RIF1: variants seen among roughly 807,000 people sequenced by gnomAD.
The protein encoded by RIF1 is replication timing regulatory factor 1, also known as telomere-associated protein RIF1.
Under a neutral mutation model 247.1 loss-of-function variants are expected in RIF1, and 45 were observed. The observed-to-expected ratio is 0.18, with a 90% CI of 0.14 to 0.23. The LOEUF (loss-of-function observed/expected upper bound fraction) is 0.23. Among genes scored for constraint, RIF1 ranks in the 10% least tolerant of loss-of-function variants. RIF1 has a pLI of 1.00. For synonymous variants in RIF1, 1,087 were observed against 978.8 expected (o/e 1.11, Z -2.06); for missense variants, 2,967 against 2,862.5 (o/e 1.04, Z -0.83).
intron 3 of RIF1, among the ~76,000 whole-genome samples, chr2:151,413,370 G>T (rs1234996733): frequency 2.0e-5 from 3 of 152,258 alleles, no homozygotes. Flanking sequence ...AATAGGATTT[G>T]TACCTGAAAT....
chr2:151,508,166 G>A, downstream of RIF1: 1 of 1,229,150 alleles, frequency 8.1e-7, no homozygotes, highest in Non-Finnish European at 1.2e-6. Flanking sequence ...ATAGGCCAAT[G>A]GGACCTAAAA....
At chr2:151,462,751 A>G (rs188025284) in intron 29 of RIF1, 133 bp from the exon 30 acceptor site, 3 of 660,030 alleles carry the variant, frequency 4.5e-6, no homozygotes, top group Admixed American at 6.4e-5. Flanking sequence ...ACTTTGGAAT[A>G]GTTGCCATAT....
chr2:151,516,993 A>T, the RIF1 span, among the ~76,000 whole-genome samples: 1 of 152,212 alleles, frequency 6.6e-6, no homozygotes, highest in Non-Finnish European at 1.5e-5. Context: ...AAGAACTTTT[A>T]TCAGAGACCT....
intron 33 of RIF1, 95 bp downstream of exon 33, chr2:151,468,851 T>G (rs1697366826): frequency 3.5e-6 from 3 of 863,536 alleles, no homozygotes; most frequent in Admixed American, 2.0e-5. Flanking sequence ...TAGAATTGAT[T>G]GGCATGTACT....
chr2:151,476,498 C>T lies in RIF1; in HGVS notation c.*1427C>T, dbSNP rs1317633446. ...AAGCTAATCCCTACTTAGCAAGGCA[C>T]ACATTCTACAGCAAGTCATAGAAAG... On this transcript the variant is annotated 3_prime_UTR_variant, in exon 36 of 36. Coordinates refer to ENST00000444746, the MANE Select transcript of RIF1 (RefSeq NM_018151.5). The T allele has an allele frequency of 6.6e-6, 1 of 152,160 alleles. No individual in the cohort carries two copies. The highest frequency in any genetic ancestry group is 2.4e-5 in the African/African-American group (1 of 41,442). The allele number at this position is 152,160 out of a possible 1,614,324, so 9.4% of individuals were successfully genotyped here.
At position 151,463,979 on chromosome 2, in the gene RIF1, G is replaced by A. The variant is rs370817713; in HGVS notation, c.4459G>A (p.Glu1487Lys). 31 of 1,608,582 alleles carry A rather than the reference G, an allele frequency of 1.9e-5. No homozygotes were observed. The highest frequency in any genetic ancestry group is 2.6e-5 in the Non-Finnish European group (31 of 1,178,762). The change falls in exon 30 of 36, where the codon GAG (glutamate) becomes AAG (lysine). Residue 1487 changes from glutamate to lysine, a missense_variant. Coordinates refer to ENST00000444746, the MANE Select transcript of RIF1 (RefSeq NM_018151.5). ...NLIEKGSNLH[E>K]KTLGETSANA... ...AATTGAGAAAGGAAGTAATTTACATGAGAAGACTCTTGGGGAAACTAGTGC... is the reference window on the plus strand; with the variant it reads ...AATTGAGAAAGGAAGTAATTTACATAAGAAGACTCTTGGGGAAACTAGTGC...
downstream of RIF1, chr2:151,485,581 G>A: frequency 4.1e-6 from 2 of 485,188 alleles, no homozygotes; most frequent in East Asian, 3.0e-5. Context: ...AGCTTTTAAA[G>A]TGTCTGTTCT....
At chr2:151,423,278 C>A in intron 8 of RIF1, 1 of 425,634 alleles carries the variant, frequency 2.3e-6, no homozygotes, top group South Asian at 3.1e-5. Context: ...GTGCATGTTT[C>A]CAGCTGAGGT....
chr2:151,459,040 G>T, intron 25 of RIF1, 130 bp downstream of exon 25: 1 of 538,478 alleles, frequency 1.9e-6, no homozygotes, highest in African/African-American at 1.9e-5. Flanking sequence ...TCAGTGGTGT[G>T]GCCTGAAATT....
chr2:151,498,385 A>T (rs1559231400), intron 10 of RIF1: 1 of 1,463,444 alleles, frequency 6.8e-7, no homozygotes, highest in East Asian at 2.5e-5. Context: ...GAACAAAAAA[A>T]GCAATCAATC....
intron 34 of RIF1, among the ~76,000 whole-genome samples, chr2:151,472,169 T>A (rs1239026080): frequency 6.6e-6 from 1 of 150,614 alleles, no homozygotes; most frequent in Non-Finnish European, 1.5e-5. Context: ...TGGCTCTCTG[T>A]TTGTCTGTTA....
the RIF1 span, chr2:151,531,942 G>A: frequency 1.6e-6 from 2 of 1,241,886 alleles, no homozygotes; most frequent in East Asian, 4.9e-5. Flanking sequence ...TTGTAGAGTG[G>A]GCTTTAAGGT....
intron 16 of RIF1, among the ~76,000 whole-genome samples, chr2:151,442,582 C>T (rs1457725007): frequency 2.6e-5 from 4 of 151,768 alleles, no homozygotes; most frequent in Admixed American, 2.0e-4. Flanking sequence ...TGTTTATATA[C>T]GATAATACTG....
At chr2:151,525,400 A>G in the RIF1 span, 2 of 676,562 alleles carry the variant, frequency 3.0e-6, no homozygotes, top group South Asian at 1.8e-5. Context: ...GGACTTAGAT[A>G]AGACCCATAT....
the RIF1 span, among the ~76,000 whole-genome samples, chr2:151,534,062 G>C: frequency 1.3e-5 from 2 of 152,114 alleles, no homozygotes; most frequent in African/African-American, 4.8e-5. Flanking sequence ...AATAGCTGAC[G>C]GGCTTTTTGG....
the RIF1 span, chr2:151,516,702 T>G: frequency 1.5e-6 from 1 of 668,562 alleles, no homozygotes; most frequent in Non-Finnish European, 2.7e-6. Flanking sequence ...CCTGTTATGT[T>G]TCAGATCCAG....
Position 151,465,307 on chromosome 2 carries a change from A to G in RIF1, c.5787A>G (p.Gly1929=), listed in dbSNP as rs770694358. 8 of 1,613,814 alleles carry G rather than the reference A, an allele frequency of 5.0e-6. No individual in the cohort carries two copies. The highest frequency in any genetic ancestry group is 6.8e-6 in the Non-Finnish European group (8 of 1,179,950). Residue 1929 remains glycine (G), a synonymous_variant, in exon 30 of 36, where the codon GGA becomes GGG. Transcript: ENST00000444746. Reference sequence around the variant, plus strand: ...TAGGAAATGAAGCTAGCTTTCATGGACAAGAGAGAACCAAAACTGGTATTT... The same window carrying G: ...TAGGAAATGAAGCTAGCTTTCATGGGCAAGAGAGAACCAAAACTGGTATTT... ...LNVGNEASFH[G]QERTKTGISE... is the part of the protein sequence containing the mutation.
intron 20 of RIF1, among the ~76,000 whole-genome samples, chr2:151,448,555 C>G (rs1240734158): frequency 6.6e-6 from 1 of 152,140 alleles, no homozygotes; most frequent in Admixed American, 6.5e-5. Flanking sequence ...GATCTTGTCA[C>G]TCTTGAAGTA....
At chr2:151,467,147 T>C (rs1697046833) in intron 30 of RIF1, among the ~76,000 whole-genome samples, 2 of 151,946 alleles carry the variant, frequency 1.3e-5, no homozygotes, top group African/African-American at 4.8e-5. Context: ...GAGAATTGCT[T>C]GAACCCAGGA....
Sources: allele counts gnomAD v4.1 joint callset (sites outside exome capture counted in the v4.1 genomes callset), GRCh38; gene constraint gnomAD v4.1.1; transcripts MANE v1.5; gene names NCBI Gene and HGNC (gene_info 2026-07-23, HGNC 2026-07-21).